CARMIL1: variants seen among roughly 807,000 people sequenced by gnomAD.
The protein encoded by CARMIL1 is F-actin-uncapping protein LRRC16A.
CARMIL1 carries 90 observed loss-of-function variants against 177.1 expected under a neutral mutation model. The ratio of observed to expected loss-of-function variants is 0.51; its 90% CI spans 0.43 to 0.61. The LOEUF (loss-of-function observed/expected upper bound fraction) is 0.61. Ranked by LOEUF, CARMIL1 falls within the 20% of genes least tolerant of loss-of-function variation. The pLI is 0.00. For missense variants in CARMIL1, 1,380 were observed against 1,667.0 expected (o/e 0.83, Z 3.00); for synonymous variants, 577 against 606.2 (o/e 0.95, Z 0.71).
At chr6:25,536,182 A>G (rs1022567473) in intron 24 of CARMIL1, among the ~76,000 whole-genome samples, 31 of 152,194 alleles carry the variant, frequency 2.0e-4, no homozygotes, top group Admixed American at 1.9e-3. Flanking sequence ...GAAATTAGGC[A>G]TTCATTCTTG....
chr6:25,604,268 G>A (rs77750727), intron 33 of CARMIL1, among the ~76,000 whole-genome samples: 3,224 of 152,102 alleles, frequency 0.021, 62 homozygotes, highest in South Asian at 0.098. Flanking sequence ...TGCAGAGATG[G>A]GGGGTCTCAC....
At chr6:25,465,090 AAAG>A (rs1171307520) in intron 8 of CARMIL1, among the ~76,000 whole-genome samples, 21 of 151,874 alleles carry the variant, frequency 1.4e-4, no homozygotes, top group African/African-American at 5.1e-4. Flanking sequence ...AAAAAAAAAA[AAAG>A]ACCAAATGGT....
chr6:25,366,529 C>T (rs1056291562), intron 2 of CARMIL1, among the ~76,000 whole-genome samples: 3 of 149,724 alleles, frequency 2.0e-5, no homozygotes, highest in African/African-American at 7.4e-5. Context: ...CGTTATGTAT[C>T]TATGCATTGT....
chr6:25,305,608 A>C (rs1210049771), intron 2 of CARMIL1, among the ~76,000 whole-genome samples: 1 of 152,230 alleles, frequency 6.6e-6, no homozygotes, highest in Non-Finnish European at 1.5e-5. Flanking sequence ...TTGTTGTCTC[A>C]TCCATGGCTT....
At chr6:25,435,296 T>C (rs41271809) in intron 4 of CARMIL1, among the ~76,000 whole-genome samples, 187 bp from the exon 5 acceptor site, 9,339 of 152,314 alleles carry the variant, frequency 0.061, 311 homozygotes, top group Admixed American at 0.079. Flanking sequence ...TTGTAGTTCA[T>C]GAGGGTGATG....
chr6:25,609,521 T>C (rs1212023342), intron 35 of CARMIL1, among the ~76,000 whole-genome samples: 1 of 152,146 alleles, frequency 6.6e-6, no homozygotes, highest in Non-Finnish European at 1.5e-5. Context: ...GTCATCTTTT[T>C]CGTTTTCAAT....
intron 5 of CARMIL1, among the ~76,000 whole-genome samples, chr6:25,446,536 G>A (rs1798250712): frequency 6.6e-6 from 1 of 152,160 alleles, no homozygotes; most frequent in African/African-American, 2.4e-5. Flanking sequence ...TCTGGATTAG[G>A]CTTTGGCATA....
intron 26 of CARMIL1, among the ~76,000 whole-genome samples, chr6:25,549,283 C>T (rs923640063): frequency 4.6e-5 from 7 of 152,124 alleles, no homozygotes; most frequent in Non-Finnish European, 1.0e-4. Flanking sequence ...GCAGGGAGAC[C>T]TTTCAGAAAG....
chr6:25,616,460 G>A (rs12528262), intron 36 of CARMIL1, among the ~76,000 whole-genome samples: 43,037 of 151,854 alleles, frequency 0.28, 6,138 homozygotes, highest in Non-Finnish European at 0.3. Context: ...TGTAGTGTCT[G>A]CTACTCTGGA....
At chr6:25,370,628 C>T (rs1489179348) in intron 2 of CARMIL1, among the ~76,000 whole-genome samples, 1 of 152,180 alleles carries the variant, frequency 6.6e-6, no homozygotes, top group Non-Finnish European at 1.5e-5. Context: ...TAGAGTAGCA[C>T]TATGGGGTTT....
chr6:25,338,275 TAAAAG>T (rs1037903510), intron 2 of CARMIL1, among the ~76,000 whole-genome samples: 2 of 150,422 alleles, frequency 1.3e-5, no homozygotes, highest in Non-Finnish European at 3.0e-5. Flanking sequence ...AAAAATAAAA[TAAAAG>T]GTGGTAGTAT....
chr6:25,390,775 C>T (rs1792732629), intron 2 of CARMIL1, among the ~76,000 whole-genome samples: 1 of 152,196 alleles, frequency 6.6e-6, no homozygotes, highest in Non-Finnish European at 1.5e-5. Flanking sequence ...ATTGTCACCT[C>T]TGCCTCCTGG....
chr6:25,434,026 A>G (rs1047778587), intron 4 of CARMIL1, among the ~76,000 whole-genome samples: 1 of 152,186 alleles, frequency 6.6e-6, no homozygotes, highest in Non-Finnish European at 1.5e-5. Flanking sequence ...GTGTGCAGAT[A>G]TTTTGAAGAA....
At chr6:25,420,786 C>A (rs1381593683) in intron 3 of CARMIL1, among the ~76,000 whole-genome samples, 3 of 152,132 alleles carry the variant, frequency 2.0e-5, no homozygotes, top group African/African-American at 7.2e-5. Context: ...TCGAACTGAT[C>A]GTTTGTGGAT....
chr6:25,586,214 C>T (rs1234070223), intron 31 of CARMIL1, among the ~76,000 whole-genome samples: 18 of 147,948 alleles, frequency 1.2e-4, no homozygotes, highest in Admixed American at 9.3e-4. Flanking sequence ...GGCTGCCGGG[C>T]GGAGGGGCTC....
chr6:25,429,938 C>T (rs572063499), intron 4 of CARMIL1, among the ~76,000 whole-genome samples: 10 of 151,780 alleles, frequency 6.6e-5, no homozygotes, highest in East Asian at 1.9e-4. Flanking sequence ...CTCTGCCTCC[C>T]GGGTTCAAAT....
chr6:25,338,341 T>A (rs1051316389), intron 2 of CARMIL1, among the ~76,000 whole-genome samples: 1 of 152,210 alleles, frequency 6.6e-6, no homozygotes, highest in African/African-American at 2.4e-5. Flanking sequence ...TCATTAATGT[T>A]ACAGGCGTAC....
chr6:25,619,442 T>G lies in CARMIL1; in HGVS notation c.3980-5T>G. 6.2e-7 allele frequency: 1 copy of G among 1,608,212 alleles called. No individual in the cohort carries two copies. Among genetic ancestry groups the G allele is most frequent in the Non-Finnish European group, 8.5e-7 (1 of 1,177,912 alleles). ...TAAACTGTGCGACTTCCCTTTTTATTTCAGTTTCAAGGAGAAGCTGGGGCC... is the reference window on the plus strand; with the variant it reads ...TAAACTGTGCGACTTCCCTTTTTATGTCAGTTTCAAGGAGAAGCTGGGGCC... On this transcript the variant is annotated splice_polypyrimidine_tract_variant and splice_region_variant and intron_variant, in intron 36 of 36. Coordinates refer to ENST00000329474, the MANE Select transcript of CARMIL1 (RefSeq NM_017640.6).
At chr6:25,300,371 A>G (rs542886579) in intron 2 of CARMIL1, among the ~76,000 whole-genome samples, 26 of 152,362 alleles carry the variant, frequency 1.7e-4, no homozygotes, top group African/African-American at 5.5e-4. Context: ...TAACTTATCA[A>G]AAATGCAAAA....
Sources: gnomAD v4.1 joint callset for allele counts (sites outside exome capture counted in the v4.1 genomes callset) on GRCh38, gnomAD v4.1.1 for gene constraint, MANE v1.5 for transcripts, NCBI Gene and HGNC (gene_info 2026-07-23, HGNC 2026-07-21) for gene names.